NFXL1: variants seen among roughly 807,000 people sequenced by gnomAD.
NFXL1 encodes the protein NF-X1-type zinc finger protein NFXL1.
Under a neutral mutation model 123.3 loss-of-function variants are expected in NFXL1, and 66 were observed. The observed-to-expected ratio is 0.54, with a 90% CI of 0.44 to 0.66. NFXL1 has a LOEUF of 0.66. Ranked by LOEUF, NFXL1 falls within the 30% of genes least tolerant of loss-of-function variation. The pLI, the probability that NFXL1 is intolerant of heterozygous loss-of-function variation, is 0.00. For synonymous variants in NFXL1, 346 were observed against 360.8 expected (o/e 0.96, Z 0.46); for missense variants, 944 against 1,125.6 (o/e 0.84, Z 2.31).
At chr4:47,863,064 T>G (rs1162671477) in intron 18 of NFXL1, 149 bp from the exon 19 acceptor site, 1 of 604,156 alleles carries the variant, frequency 1.7e-6, no homozygotes, top group Non-Finnish European at 2.9e-6. Context: ...GTAACAATTA[T>G]CTTCAAATTA....
rs924337647 is a variant in NFXL1, at chr4:47,847,912, T to C, written c.*251A>G. On this transcript the variant is annotated 3_prime_UTR_variant, in exon 23 of 23. Coordinates refer to ENST00000507489, the MANE Select transcript of NFXL1 (RefSeq NM_001278624.2). ...AGCCCAATGAACAAAAACACGTTAC[T>C]CTGCCTCTAGCTAAGCCTTATGAAA... The C allele has an allele frequency of 1.0e-5, 3 of 291,696 alleles. No homozygotes were observed. Among genetic ancestry groups the C allele is most frequent in the Non-Finnish European group, 1.9e-5 (3 of 159,814 alleles). The allele number at this position is 291,696 out of a possible 1,614,324, so 18.1% of individuals were successfully genotyped here.
At chr4:47,914,339 T>A in intron 1 of NFXL1, 26 bp downstream of exon 1, 1 of 697,650 alleles carries the variant, frequency 1.4e-6, no homozygotes, top group Non-Finnish European at 2.3e-6. Flanking sequence ...CGACCGGGTT[T>A]TAGGAGGTCG....
chr4:47,904,359 T>C, intron 4 of NFXL1, among the ~76,000 whole-genome samples: 1 of 152,190 alleles, frequency 6.6e-6, no homozygotes, highest in East Asian at 1.9e-4. Context: ...ACCCATGTAC[T>C]AGCTAAGTCA....
In NFXL1 at chr4:47,847,484, T is replaced by C. The variant is rs1733877474; in HGVS notation, c.*679A>G. The stretch of plus-strand genomic sequence containing the variant: ...TTCATAAATACTCATCTTCCTTTTA[T>C]TATTTTTAAAAGACACGCAAGTTTT... On this transcript the variant is annotated 3_prime_UTR_variant, in exon 23 of 23. Coordinates refer to ENST00000507489, the MANE Select transcript of NFXL1 (RefSeq NM_001278624.2). The C allele has an allele frequency of 1.3e-5, 2 of 152,228 alleles. No homozygotes were observed. The highest frequency in any genetic ancestry group is 2.9e-5 in the Non-Finnish European group (2 of 68,042). 9.4% of individuals were successfully genotyped at this position (152,228 alleles called of 1,614,324 possible).
intron 10 of NFXL1, 77 bp from the exon 11 acceptor site, chr4:47,894,379 T>C (rs942564442): frequency 1.6e-5 from 18 of 1,092,966 alleles, no homozygotes; most frequent in Non-Finnish European, 2.1e-5. Flanking sequence ...TCTACAATTA[T>C]TAAAACATAA....
At position 47,894,201 on chromosome 4, in the gene NFXL1, C is replaced by T. The variant is rs1336187785; in HGVS notation, c.1431G>A (p.Gln477=). The T allele has an allele frequency of 1.9e-6, 3 of 1,604,030 alleles. No homozygotes were observed. Among genetic ancestry groups the T allele is most frequent in the Non-Finnish European group, 2.6e-6 (3 of 1,175,006 alleles). Residue 477 remains glutamine, a synonymous_variant, in exon 11 of 23, where the codon CAG becomes CAA. Coordinates refer to ENST00000507489, the MANE Select transcript of NFXL1 (RefSeq NM_001278624.2). Reference sequence around the variant, plus strand: ...AAACCTTTCTTCTACATTGATGCTTCTGACAGTCACGCATCTTAACACACT... The same window carrying T: ...AAACCTTTCTTCTACATTGATGCTTTTGACAGTCACGCATCTTAACACACT... The part of the protein sequence containing the change: ...ETKCVKMRDC[Q]KHQCRRKCCP...
intron 15 of NFXL1, among the ~76,000 whole-genome samples, chr4:47,880,826 A>C (rs1414406794): frequency 6.6e-6 from 1 of 150,678 alleles, no homozygotes; most frequent in Non-Finnish European, 1.5e-5. Flanking sequence ...AAAAAAAAAA[A>C]AAAACGCAAA....
chr4:47,912,607 T>C (rs62298270), intron 2 of NFXL1, among the ~76,000 whole-genome samples: 121,853 of 147,562 alleles, frequency 0.83, 50,511 homozygotes, highest in East Asian at 0.98. Context: ...TACAGGCGCC[T>C]GCCACCCCGC....
intron 15 of NFXL1, among the ~76,000 whole-genome samples, chr4:47,883,866 C>T (rs1736263686): frequency 6.6e-6 from 1 of 152,200 alleles, no homozygotes; most frequent in South Asian, 2.1e-4. Flanking sequence ...TTCCGTATTA[C>T]TGTAGGTTCA....
chr4:47,850,071 C>G (rs1371514780), intron 22 of NFXL1, among the ~76,000 whole-genome samples: 1 of 151,612 alleles, frequency 6.6e-6, no homozygotes, highest in Non-Finnish European at 1.5e-5. Flanking sequence ...AGTCAGTAAA[C>G]AGGGAATGTA....
intron 4 of NFXL1, among the ~76,000 whole-genome samples, chr4:47,904,731 A>G (rs929685461): frequency 6.6e-6 from 1 of 152,192 alleles, no homozygotes; most frequent in South Asian, 2.1e-4. Context: ...TTACACATAT[A>G]TATCTTTATC....
At chr4:47,891,806 C>T (rs1274482442) in intron 11 of NFXL1, among the ~76,000 whole-genome samples, 5 of 151,880 alleles carry the variant, frequency 3.3e-5, no homozygotes, top group Non-Finnish European at 7.4e-5. Flanking sequence ...CATGGTAGTG[C>T]GTGCCTGTAG....
intron 2 of NFXL1, among the ~76,000 whole-genome samples, chr4:47,911,699 A>G (rs1737836825): frequency 6.6e-6 from 1 of 152,242 alleles, no homozygotes; most frequent in African/African-American, 2.4e-5. Flanking sequence ...TCGTTCTTCC[A>G]CTATTCAGCA....
At chr4:47,901,216 T>A (rs556593665) in intron 5 of NFXL1, among the ~76,000 whole-genome samples, 1 of 152,328 alleles carries the variant, frequency 6.6e-6, no homozygotes, top group Non-Finnish European at 1.5e-5. Context: ...ATAAAATAAC[T>A]TAAAATTATT....
At chr4:47,886,257 G>A (rs918726400) in intron 12 of NFXL1, among the ~76,000 whole-genome samples, 2 of 152,176 alleles carry the variant, frequency 1.3e-5, no homozygotes, top group Admixed American at 6.5e-5. Flanking sequence ...AAGGATGCAA[G>A]GAAGGTGTTG....
At chr4:47,912,530 G>T (rs1320293809) in intron 2 of NFXL1, among the ~76,000 whole-genome samples, 1 of 148,506 alleles carries the variant, frequency 6.7e-6, no homozygotes, top group Non-Finnish European at 1.5e-5. Flanking sequence ...GGCAATCTCG[G>T]CTACTGCAAG....
At chr4:47,868,062 T>C (rs1376785420) in intron 18 of NFXL1, among the ~76,000 whole-genome samples, 2 of 152,172 alleles carry the variant, frequency 1.3e-5, no homozygotes, top group Non-Finnish European at 2.9e-5. Context: ...ACGCCTGTAA[T>C]CTCAGCACTT....
At chr4:47,903,373 T>C (rs200514133) in intron 4 of NFXL1, 50 bp from the exon 5 acceptor site, 9 of 1,298,750 alleles carry the variant, frequency 6.9e-6, no homozygotes, top group Non-Finnish European at 8.2e-6. Flanking sequence ...TCTTTGTTAA[T>C]TGTAAAATAA....
chr4:47,910,919 T>C lies in NFXL1; in HGVS notation c.311A>G (p.Gln104Arg), dbSNP rs1737802598. The change falls in exon 3 of 23, where the codon CAG (glutamine) becomes CGG (arginine). Residue 104 changes from glutamine to arginine, a missense_variant. Physicochemically the swap from Gln to Arg is conservative, Grantham distance 43. Around this residue, in one of 4 missense-constraint regions of NFXL1, gnomAD observed 303 missense variants for 292.1 expected, o/e 1.04. Coordinates refer to ENST00000507489, the MANE Select transcript of NFXL1 (RefSeq NM_001278624.2). ...TCCTTCTTCAGATGAAGAGCTAAAC[T>C]GTTCTTCAACAAGTTTTCTGGCTGC... is the stretch of plus-strand genomic sequence containing the variant. ...QAAARKLVEE[Q>R]FSSSSEEGDE... 4 of 1,606,284 alleles carry C rather than the reference T, an allele frequency of 2.5e-6. No individual in the cohort carries two copies. The Admixed American group carries it at 5.1e-5, about 20-fold the overall frequency.
Sources: gnomAD v4.1 joint callset for allele counts (sites outside exome capture counted in the v4.1 genomes callset) on GRCh38, gnomAD v4.1.1 for gene constraint, gnomAD v4.1.1 regional missense constraint, MANE v1.5 for transcripts, NCBI Gene and HGNC (gene_info 2026-07-23, HGNC 2026-07-21) for gene names.